The following TMEFF2 variants were observed in gnomAD, a reference collection of about 807,000 sequenced individuals.
TMEFF2 encodes transmembrane protein with EGF like and two follistatin like domains 2, also known as tomoregulin-2.
TMEFF2 carries 28 observed loss-of-function variants against 53.8 expected under a neutral mutation model. The observed-to-expected ratio is 0.52, with a 90% CI of 0.39 to 0.71. TMEFF2 has a LOEUF of 0.71. Among genes scored for constraint, TMEFF2 ranks in the 30% least tolerant of loss-of-function variants. The pLI is 0.00. For missense variants in TMEFF2, 353 were observed against 455.2 expected (o/e 0.78, Z 2.04); for synonymous variants, 162 against 166.3 (o/e 0.97, Z 0.20).
chr2:192,186,691 T>C (rs1237814078), intron 2 of TMEFF2, among the ~76,000 whole-genome samples: 1 of 152,170 alleles, frequency 6.6e-6, no homozygotes, highest in Non-Finnish European at 1.5e-5. Context: ...TGCCCCGGGC[T>C]ACCTTTCAAT....
At chr2:192,076,972 C>A (rs1015863696) in intron 4 of TMEFF2, among the ~76,000 whole-genome samples, 1 of 152,168 alleles carries the variant, frequency 6.6e-6, no homozygotes, top group African/African-American at 2.4e-5. Flanking sequence ...TCAGTTTGAC[C>A]CTTTTCCTAC....
chr2:192,145,526 C>T (rs1013232743), intron 4 of TMEFF2, among the ~76,000 whole-genome samples: 6 of 150,954 alleles, frequency 4.0e-5, no homozygotes, highest in Admixed American at 2.0e-4. Context: ...TACAATGTAA[C>T]GTTTTGAAAG....
At chr2:192,192,336 A>G (rs1284127820) in intron 1 of TMEFF2, among the ~76,000 whole-genome samples, 5 of 151,822 alleles carry the variant, frequency 3.3e-5, no homozygotes, top group African/African-American at 1.2e-4. Context: ...GACAATATTT[A>G]TGACCACAAA....
At chr2:192,164,726 CAAAAA>C (rs34648660) in intron 4 of TMEFF2, among the ~76,000 whole-genome samples, 5 of 133,672 alleles carry the variant, frequency 3.7e-5, no homozygotes, top group Admixed American at 7.4e-5. Context: ...GACTTCGTCT[CAAAAA>C]AAAAAAAAAA....
chr2:192,068,199 T>G (rs543254923), intron 4 of TMEFF2, among the ~76,000 whole-genome samples: 1 of 151,994 alleles, frequency 6.6e-6, no homozygotes, highest in African/African-American at 2.4e-5. Flanking sequence ...CTTTGCAACC[T>G]CTAAATTGCT....
intron 4 of TMEFF2, among the ~76,000 whole-genome samples, chr2:192,089,289 T>C (rs1688735294): frequency 6.7e-6 from 1 of 150,346 alleles, no homozygotes; most frequent in Admixed American, 6.6e-5. Context: ...CTACTTGACC[T>C]AGTTATTTGA....
chr2:192,070,460 A>G (rs963018969), intron 4 of TMEFF2, among the ~76,000 whole-genome samples: 11 of 151,906 alleles, frequency 7.2e-5, no homozygotes, highest in African/African-American at 2.2e-4. Context: ...TCTTAAAAAT[A>G]TAAGTCTGAT....
intron 2 of TMEFF2, among the ~76,000 whole-genome samples, chr2:192,186,108 C>T (rs567651151): frequency 6.6e-6 from 1 of 152,232 alleles, no homozygotes; most frequent in South Asian, 2.1e-4. Flanking sequence ...CTCCCAGACT[C>T]AGTCTATGTA....
At chr2:192,153,301 A>AT (rs1339129248) in intron 4 of TMEFF2, among the ~76,000 whole-genome samples, 39 of 151,968 alleles carry the variant, frequency 2.6e-4, no homozygotes, top group East Asian at 3.9e-4. Context: ...GAATACTGGT[A>AT]TTTTTTTAAA....
rs187423779 is a variant in TMEFF2 at position 192,113,834 on chromosome 2, C to A, written c.440-56059G>T. Among the ~76,000 whole-genome samples the A allele has an allele frequency of 1.1e-4, 16 of 152,172 alleles. No homozygotes were observed. The East Asian group carries it at 2.3e-3, about 22-fold the overall frequency. On this transcript the variant is annotated intron_variant, in intron 4 of 9. Transcript: ENST00000272771. Reference sequence around the variant, plus strand: ...ACTTTATTGTATTTGTATATCTACACCCTCCTAATGAAGCAAGAACTATTA... The same window carrying A: ...ACTTTATTGTATTTGTATATCTACAACCTCCTAATGAAGCAAGAACTATTA...
intron 2 of TMEFF2, among the ~76,000 whole-genome samples, chr2:192,191,356 C>A (rs1219834755): frequency 6.6e-6 from 1 of 152,004 alleles, no homozygotes; most frequent in Non-Finnish European, 1.5e-5. Flanking sequence ...TATGAAAAAG[C>A]TGATATACAC....
intron 5 of TMEFF2, among the ~76,000 whole-genome samples, chr2:192,037,643 A>AG (rs1687361243): frequency 2.8e-5 from 4 of 143,278 alleles, no homozygotes; most frequent in African/African-American, 8.0e-5. Flanking sequence ...AAGAGAGAGA[A>AG]AGAGAGAGAG....
chr2:192,091,178 C>T (rs1299322959), intron 4 of TMEFF2, among the ~76,000 whole-genome samples: 2 of 152,156 alleles, frequency 1.3e-5, no homozygotes, highest in Non-Finnish European at 2.9e-5. Context: ...TATGGCAGTA[C>T]TTGTGGTACT....
intron 7 of TMEFF2, among the ~76,000 whole-genome samples, chr2:191,968,790 G>C (rs940595496): frequency 6.6e-6 from 1 of 152,122 alleles, no homozygotes; most frequent in South Asian, 2.1e-4. Flanking sequence ...CTGCTCTTTG[G>C]AGGAACATTT....
At chr2:192,126,131 A>T (rs1689672844) in intron 4 of TMEFF2, among the ~76,000 whole-genome samples, 1 of 152,244 alleles carries the variant, frequency 6.6e-6, no homozygotes, top group African/African-American at 2.4e-5. Flanking sequence ...TATTTGAAAA[A>T]GATAAAAAGC....
intron 2 of TMEFF2, among the ~76,000 whole-genome samples, chr2:192,187,543 TCA>T (rs1264516208): frequency 1.3e-5 from 2 of 152,126 alleles, no homozygotes; most frequent in African/African-American, 4.8e-5. Context: ...ATGATACTGC[TCA>T]GTTTCAGATG....
chr2:192,111,640 A>G (rs1473064537), intron 4 of TMEFF2, among the ~76,000 whole-genome samples: 1 of 152,234 alleles, frequency 6.6e-6, no homozygotes, highest in Non-Finnish European at 1.5e-5. Context: ...AGAAATTTGC[A>G]TAAGTAAAGA....
chr2:192,020,927 A>G (rs1183567072), intron 5 of TMEFF2, among the ~76,000 whole-genome samples: 1 of 152,178 alleles, frequency 6.6e-6, no homozygotes, highest in African/African-American at 2.4e-5. Context: ...AGGGCAAAAT[A>G]CATTTCTTGT....
chr2:192,022,484 C>G (rs1686879705), intron 5 of TMEFF2, among the ~76,000 whole-genome samples: 2 of 152,182 alleles, frequency 1.3e-5, no homozygotes. Flanking sequence ...TAGCAGCTCT[C>G]ACAAATGTGT....
Sources: gnomAD v4.1 joint callset for allele counts (sites outside exome capture counted in the v4.1 genomes callset) on GRCh38, gnomAD v4.1.1 for gene constraint, MANE v1.5 for transcripts, NCBI Gene and HGNC (gene_info 2026-07-23, HGNC 2026-07-21) for gene names.